CNTNAP5: variants seen among roughly 807,000 people sequenced by gnomAD.
CNTNAP5 encodes contactin-associated protein-like 5.
Under a neutral mutation model 150.2 loss-of-function variants are expected in CNTNAP5, and 72 were observed. The observed-to-expected ratio is 0.48, with a 90% CI of 0.40 to 0.58. The LOEUF (loss-of-function observed/expected upper bound fraction) is 0.58, where lower values mean the gene tolerates loss of function less well. CNTNAP5 is among the 20% of genes least tolerant of loss of function. CNTNAP5 has a pLI of 0.00. For missense variants in CNTNAP5, 1,636 were observed against 1,626.2 expected, an observed-to-expected ratio of 1.01 and a Z score of -0.10; for synonymous variants, 672 against 619.8, an observed-to-expected ratio of 1.08 and a Z score of -1.25.
At chr2:124,027,302 C>G (rs575586041) in intron 1 of CNTNAP5, among the ~76,000 whole-genome samples, 3 of 152,200 alleles carry the variant, frequency 2.0e-5, no homozygotes, top group African/African-American at 7.2e-5. Context: ...TTTTTCTCCA[C>G]CTTCTAGAAC....
chr2:124,845,179 A>G (rs1002811936), intron 19 of CNTNAP5, among the ~76,000 whole-genome samples: 3 of 151,976 alleles, frequency 2.0e-5, no homozygotes, highest in Admixed American at 6.6e-5. Flanking sequence ...TGAGGGTTTT[A>G]ATCATAAAGT....
At chr2:124,789,650 G>A (rs959139295) in intron 17 of CNTNAP5, among the ~76,000 whole-genome samples, 1 of 152,060 alleles carries the variant, frequency 6.6e-6, no homozygotes, top group Non-Finnish European at 1.5e-5. Context: ...ATGAGAATAT[G>A]GGGTATTTGG....
chr2:124,113,267 A>G (rs898009947), intron 1 of CNTNAP5, among the ~76,000 whole-genome samples: 1 of 152,176 alleles, frequency 6.6e-6, no homozygotes, highest in African/African-American at 2.4e-5. Flanking sequence ...TCATAATCTT[A>G]CAATTAATTC....
chr2:124,087,771 C>T (rs1442758132), intron 1 of CNTNAP5, among the ~76,000 whole-genome samples: 2 of 150,896 alleles, frequency 1.3e-5, no homozygotes, highest in Admixed American at 6.6e-5. Flanking sequence ...ATTGTGCTCC[C>T]TTTTTTCTGA....
intron 12 of CNTNAP5, among the ~76,000 whole-genome samples, chr2:124,617,739 G>A (rs1051190405): frequency 2.0e-5 from 3 of 152,014 alleles, no homozygotes; most frequent in African/African-American, 4.8e-5. Flanking sequence ...TATTATTTCA[G>A]TCTTCTTCAC....
chr2:124,287,656 C>G (rs1388279910), intron 3 of CNTNAP5, among the ~76,000 whole-genome samples: 1 of 152,166 alleles, frequency 6.6e-6, no homozygotes, highest in Non-Finnish European at 1.5e-5. Context: ...CAATCTACCC[C>G]TCTTTTGATT....
chr2:124,847,466 G>T (rs1375758085), intron 19 of CNTNAP5, among the ~76,000 whole-genome samples: 1 of 152,152 alleles, frequency 6.6e-6, no homozygotes, highest in Non-Finnish European at 1.5e-5. Flanking sequence ...AACTTTCATT[G>T]TGCCCCTCCA....
intron 1 of CNTNAP5, among the ~76,000 whole-genome samples, chr2:124,162,191 G>C (rs1322504405): frequency 6.6e-6 from 1 of 151,992 alleles, no homozygotes; most frequent in Non-Finnish European, 1.5e-5. Context: ...TGCCAAGCCT[G>C]GCACATAATA....
intron 5 of CNTNAP5, among the ~76,000 whole-genome samples, chr2:124,435,446 A>C (rs569418965): frequency 6.6e-6 from 1 of 152,164 alleles, no homozygotes; most frequent in Non-Finnish European, 1.5e-5. Context: ...AGGCAGGAGC[A>C]CAGTTCCCAA....
At chr2:124,430,056 A>G (rs1350332949) in intron 4 of CNTNAP5, among the ~76,000 whole-genome samples, 2 of 152,202 alleles carry the variant, frequency 1.3e-5, no homozygotes, top group African/African-American at 2.4e-5. Context: ...GAGAAAACAG[A>G]TGAGCATCTA....
At chr2:124,294,892 G>A (rs810513) in intron 3 of CNTNAP5, among the ~76,000 whole-genome samples, 45,291 of 152,060 alleles carry the variant, frequency 0.3, 7,278 homozygotes, top group Admixed American at 0.38. Flanking sequence ...CGGATCACAA[G>A]GTCAGGAGTT....
chr2:124,471,795 G>A (rs1252045931), intron 6 of CNTNAP5, among the ~76,000 whole-genome samples: 1 of 151,978 alleles, frequency 6.6e-6, no homozygotes, highest in Non-Finnish European at 1.5e-5. Context: ...TTTTACCAAA[G>A]GCCTTTCCTG....
At chr2:124,812,579 C>G (rs1479924005) in intron 19 of CNTNAP5, among the ~76,000 whole-genome samples, 1 of 152,166 alleles carries the variant, frequency 6.6e-6, no homozygotes, top group Non-Finnish European at 1.5e-5. Context: ...CTAAATCCAG[C>G]CACCTGGAGG....
At chr2:124,700,048 A>G (rs766069024) in intron 13 of CNTNAP5, among the ~76,000 whole-genome samples, 12 of 152,150 alleles carry the variant, frequency 7.9e-5, no homozygotes, top group Non-Finnish European at 1.6e-4. Flanking sequence ...ATTAACACTA[A>G]TCTATTAACT....
chr2:124,572,543 G>T (rs1696189388), intron 11 of CNTNAP5, among the ~76,000 whole-genome samples: 1 of 152,156 alleles, frequency 6.6e-6, no homozygotes, highest in Admixed American at 6.5e-5. Context: ...AGTCAGATAG[G>T]TGTCAGGAGG....
At chr2:124,201,134 C>T (rs1329615693) in intron 1 of CNTNAP5, among the ~76,000 whole-genome samples, 1 of 152,176 alleles carries the variant, frequency 6.6e-6, no homozygotes, top group Non-Finnish European at 1.5e-5. Context: ...ACAATTCACT[C>T]AAACATCTGG....
At chr2:124,210,340 A>G (rs954113176) in intron 1 of CNTNAP5, among the ~76,000 whole-genome samples, 1 of 152,198 alleles carries the variant, frequency 6.6e-6, no homozygotes, top group Admixed American at 6.5e-5. Flanking sequence ...TGATATAAAG[A>G]TATGTTAATT....
At chr2:124,056,439 A>G (rs1213960) in intron 1 of CNTNAP5, among the ~76,000 whole-genome samples, 41,023 of 151,838 alleles carry the variant, frequency 0.27, 5,625 homozygotes, top group Middle Eastern at 0.32. Context: ...CCTGCCTAAC[A>G]CGGTGAAACC....
intron 1 of CNTNAP5, among the ~76,000 whole-genome samples, chr2:124,076,768 G>A (rs892612492): frequency 2.0e-5 from 3 of 152,064 alleles, no homozygotes; most frequent in African/African-American, 7.2e-5. Flanking sequence ...AATGAAAGTG[G>A]AGAAGACAGT....
Sources: allele counts gnomAD v4.1 joint callset (sites outside exome capture counted in the v4.1 genomes callset), GRCh38; gene constraint gnomAD v4.1.1; transcripts MANE v1.5; gene names NCBI Gene and HGNC (gene_info 2026-07-23, HGNC 2026-07-21).